PAXBP1: variants seen among roughly 807,000 people sequenced by gnomAD.
PAXBP1 encodes the protein PAX3 and PAX7 binding protein 1, also known as PAX3- and PAX7-binding protein 1.
In PAXBP1, 44 loss-of-function variants were observed where a neutral mutation model predicts 119.9. That is an observed-to-expected ratio of 0.37 (90% CI 0.29 to 0.47). The LOEUF (loss-of-function observed/expected upper bound fraction) is 0.47. Among genes scored for constraint, PAXBP1 ranks in the 20% least tolerant of loss-of-function variants. PAXBP1 has a pLI of 0.99. For synonymous variants in PAXBP1, 393 were observed against 406.6 expected (o/e 0.97, Z 0.40); for missense variants, 898 against 1,134.1 (o/e 0.79, Z 2.99).
intron 13 of PAXBP1, 100 bp downstream of exon 13, chr21:32,744,692 A>G (rs2043846189): frequency 1.6e-6 from 2 of 1,245,224 alleles, no homozygotes; most frequent in Non-Finnish European, 1.1e-6. Flanking sequence ...GGAGAACCAG[A>G]TTTCTGATTG....
intron 11 of PAXBP1, among the ~76,000 whole-genome samples, chr21:32,747,750 T>C (rs531301479): frequency 1.3e-5 from 2 of 151,888 alleles, no homozygotes; most frequent in South Asian, 2.1e-4. Context: ...CCCTCCCTTA[T>C]ATGACAGGCC....
Position 32,762,211 on chromosome 21 carries a change from G to A in PAXBP1, c.756C>T (p.Arg252=), listed in dbSNP as rs751354753. ...TPHDNEPGKG[R]LVREDENDAS... is the part of the protein sequence containing the mutation. ...CATCATTCTCATCTTCTCTAACAAG[G>A]CGGCCTTTACCAGGCTCATTATCAT... The change falls in exon 4 of 18, where the codon CGC becomes CGT. Residue 252 remains arginine, a synonymous_variant. Coordinates refer to ENST00000331923, the MANE Select transcript of PAXBP1 (RefSeq NM_016631.4). 1.9e-6 allele frequency: 3 copies of A among 1,613,992 alleles called. No homozygotes were observed. Among genetic ancestry groups the A allele is most frequent in the Non-Finnish European group, 2.5e-6 (3 of 1,180,008 alleles).
intron 4 of PAXBP1, among the ~76,000 whole-genome samples, chr21:32,761,773 A>G (rs2044151300): frequency 6.6e-6 from 1 of 151,922 alleles, no homozygotes; most frequent in Non-Finnish European, 1.5e-5. Flanking sequence ...ATGGTGGCTC[A>G]TGCCTGTAAT....
At chr21:32,767,714 G>A (rs1261639257) in intron 2 of PAXBP1, among the ~76,000 whole-genome samples, 1 of 152,084 alleles carries the variant, frequency 6.6e-6, no homozygotes, top group East Asian at 1.9e-4. Context: ...CATGTAAAAA[G>A]TGCCTTTCAC....
At chr21:32,764,619 A>T in intron 2 of PAXBP1, 95 bp from the exon 3 acceptor site, 1 of 1,015,372 alleles carries the variant, frequency 9.8e-7, no homozygotes, top group Non-Finnish European at 1.4e-6. Context: ...AATTTTTTTA[A>T]TTAAAAAAAG....
chr21:32,755,559 T>TCCAGTG (rs2044030870), intron 7 of PAXBP1: 3 of 442,440 alleles, frequency 6.8e-6, no homozygotes, highest in African/African-American at 6.2e-5. Context: ...AGCTATAATG[T>TCCAGTG]CCAGTGCCTA....
In PAXBP1 at chr21:32,759,729, G is replaced by A. The variant is rs568052742; in HGVS notation, c.1193+48C>T. On this transcript the variant is annotated intron_variant, in intron 6 of 17. Transcript: ENST00000331923. Reference sequence around the variant, plus strand: ...TACCCCAGACTACATGTTGCCTGAGGGAACAGAAAGCTAGCGGACAGGTCT... The same window carrying A: ...TACCCCAGACTACATGTTGCCTGAGAGAACAGAAAGCTAGCGGACAGGTCT... The A allele has an allele frequency of 2.0e-6, 3 of 1,494,630 alleles. No homozygotes were observed. The African/African-American group carries it at 4.2e-5, about 21-fold the overall frequency. The allele number at this position is 1,494,630 out of a possible 1,614,324, so 92.6% of individuals were successfully genotyped here.
chr21:32,755,097 C>G lies in PAXBP1; in HGVS notation c.1507+133G>C, dbSNP rs1012514843. The G allele has an allele frequency of 4.6e-6, 5 of 1,092,722 alleles. No individual in the cohort carries two copies. The African/African-American group carries it at 8.5e-5, about 19-fold the overall frequency. 67.7% of individuals were successfully genotyped at this position (1,092,722 alleles called of 1,614,324 possible). ...CATGCTGTTACCATTTTTAGATCTA[C>G]CTGACACAACAGCAAGGAAATTGTT... On this transcript the variant is annotated intron_variant, in intron 8 of 17. Transcript: ENST00000331923.
At chr21:32,762,798 C>T (rs547616537) in intron 3 of PAXBP1, among the ~76,000 whole-genome samples, 1 of 150,990 alleles carries the variant, frequency 6.6e-6, no homozygotes, top group South Asian at 2.1e-4. Context: ...GTAATCCCAG[C>T]TACTTGGGAG....
In PAXBP1 at chr21:32,759,194, A is replaced by G; in HGVS notation, c.1269T>C (p.Ser423=). ...CTTCTAATCTTTCAATAGCCCTGGT[A>G]GAGTCCACTCGGCTTTGCAGATGTT... ...HEKHLQSRVD[S]TRAIERLEGS... is the part of the protein sequence containing the mutation. The change falls in exon 7 of 18, where the codon TCT becomes TCC. Residue 423 remains serine (S), a synonymous_variant. Transcript: ENST00000331923. 2 of 1,614,058 alleles carry G rather than the reference A, an allele frequency of 1.2e-6. No homozygotes were observed. The highest frequency in any genetic ancestry group is 1.7e-6 in the Non-Finnish European group (2 of 1,179,938).
intron 1 of PAXBP1, among the ~76,000 whole-genome samples, chr21:32,770,195 T>A (rs1354619135): frequency 6.6e-6 from 1 of 152,212 alleles, no homozygotes; most frequent in Non-Finnish European, 1.5e-5. Flanking sequence ...TTTCCTATTA[T>A]TGTCGTCCTT....
rs767028660 is a variant in PAXBP1 at position 32,762,268 on chromosome 21, T to C, written c.699A>G (p.Gln233=). The change falls in exon 4 of 18, where the codon CAA becomes CAG. Residue 233 remains glutamine, a synonymous_variant. Coordinates refer to ENST00000331923, the MANE Select transcript of PAXBP1 (RefSeq NM_016631.4). ...TGAAATCTCCCAATTCTCGGGCCAT[T>C]TGGCGCTTTTTCCTTGCAGCATGTA... ...AFIHAARKKR[Q]MARELGDFTP... The C allele has an allele frequency of 2.2e-5, 36 of 1,614,064 alleles. No homozygotes were observed. Among genetic ancestry groups the C allele is most frequent in the Non-Finnish European group, 3.0e-5 (35 of 1,180,042 alleles).
In PAXBP1 at chr21:32,771,620, C is replaced by T; in HGVS notation, c.49G>A (p.Glu17Lys). ...RVNVRKRNDS[E>K]EEERERDEEQ... ...TCATCGCGTTCCCGCTCTTCCTCTTCGGAGTCGTTCCGCTTGCGCACGTTC... is the reference window on the plus strand; with the variant it reads ...TCATCGCGTTCCCGCTCTTCCTCTTTGGAGTCGTTCCGCTTGCGCACGTTC... The change falls in exon 1 of 18, where the codon GAA (glutamate) becomes AAA (lysine). Residue 17 changes from glutamate (E) to lysine (K), a missense_variant. Physicochemically the swap from Glu to Lys is moderately conservative, Grantham distance 56. Coordinates refer to ENST00000331923, the MANE Select transcript of PAXBP1 (RefSeq NM_016631.4). 4 of 1,464,782 alleles carry T rather than the reference C, an allele frequency of 2.7e-6. No individual in the cohort carries two copies. Among genetic ancestry groups the T allele is most frequent in the East Asian group, 3.0e-5 (1 of 33,414 alleles). 90.7% of individuals were successfully genotyped at this position (1,464,782 alleles called of 1,614,324 possible). A position where few individuals can be genotyped will look rare whatever the true frequency, so the allele number is the denominator to read the frequency against.
intron 2 of PAXBP1, among the ~76,000 whole-genome samples, chr21:32,767,824 TG>T (rs2044269635): frequency 6.6e-6 from 1 of 152,294 alleles, no homozygotes; most frequent in South Asian, 2.1e-4. Context: ...ATCAGCAGCA[TG>T]AAAACAGACT....
chr21:32,748,658 G>A lies in PAXBP1; in HGVS notation c.1764C>T (p.Val588=). 6.2e-7 allele frequency: 1 copy of A among 1,612,546 alleles called. No individual in the cohort carries two copies. Among genetic ancestry groups the A allele is most frequent in the Non-Finnish European group, 8.5e-7 (1 of 1,179,138 alleles). Residue 588 remains valine, a synonymous_variant, in exon 11 of 18, where the codon GTC becomes GTT. Coordinates refer to ENST00000331923, the MANE Select transcript of PAXBP1 (RefSeq NM_016631.4). The stretch of plus-strand genomic sequence containing the variant: ...AGTCAATTGAATAGAAACTTTCAAG[G>A]ACATCTTCAAAAACTTTGCCGGATT... ...SKESGKVFED[V]LESFYSIDCI... is the part of the protein sequence containing the mutation.
rs781056567 is a variant in PAXBP1, at chr21:32,738,319, G to A, written c.2335C>T (p.Leu779=). The A allele has an allele frequency of 6.3e-7, 1 of 1,578,398 alleles. No homozygotes were observed. The highest frequency in any genetic ancestry group is 1.4e-5 in the African/African-American group (1 of 72,634). Residue 779 remains leucine (L), a splice_region_variant and synonymous_variant, in exon 16 of 18, where the codon CTG becomes TTG. Transcript: ENST00000331923. ...TACCACTGAAGAAAATTGCCTAACA[G>A]CTGGAAAGAAGAAAAAAAATAGGTA... is the stretch of plus-strand genomic sequence containing the variant. ...FQRQFWSSVK[L]LGNFLQWYGI... is the part of the protein sequence containing the mutation.
intron 15 of PAXBP1, among the ~76,000 whole-genome samples, chr21:32,741,871 A>G (rs752558994): frequency 2.2e-4 from 33 of 152,180 alleles, no homozygotes; most frequent in Non-Finnish European, 3.5e-4. Flanking sequence ...TGAGGCCTTC[A>G]TTTTATGGTA....
At chr21:32,745,451 G>A (rs2043858102) in intron 12 of PAXBP1, 123 bp downstream of exon 12, 2 of 1,370,048 alleles carry the variant, frequency 1.5e-6, no homozygotes, top group Non-Finnish European at 1.0e-6. Flanking sequence ...TCTGGGCCAG[G>A]TGGTAACTAT....
At chr21:32,741,999 T>G (rs2043793341) in intron 15 of PAXBP1, among the ~76,000 whole-genome samples, 1 of 152,200 alleles carries the variant, frequency 6.6e-6, no homozygotes, top group Admixed American at 6.5e-5. Flanking sequence ...ATTTATTCAG[T>G]GGAAGCAGCC....
Sources: gnomAD v4.1 joint callset for allele counts (sites outside exome capture counted in the v4.1 genomes callset) on GRCh38, gnomAD v4.1.1 for gene constraint, MANE v1.5 for transcripts, NCBI Gene and HGNC (gene_info 2026-07-23, HGNC 2026-07-21) for gene names.